Variants in CSGALNACT1 observed in about 807,000 individuals in gnomAD.
The protein encoded by CSGALNACT1 is chondroitin sulfate N-acetylgalactosaminyltransferase 1, also known as beta4GalNAcT-1.
CSGALNACT1 carries 52 observed loss-of-function variants against 51.0 expected under a neutral mutation model. The ratio of observed to expected loss-of-function variants is 1.02; its 90% confidence interval spans 0.82 to 1.29. CSGALNACT1 has a LOEUF of 1.29. Ranked by LOEUF, CSGALNACT1 falls within the 50% of genes most tolerant of loss-of-function variation. CSGALNACT1 has a pLI of 0.00. For missense variants in CSGALNACT1, 935 were observed against 679.2 expected (o/e 1.38, Z -4.19); for synonymous variants, 341 against 254.4 (o/e 1.34, Z -3.24).
intron 3 of CSGALNACT1, among the ~76,000 whole-genome samples, chr8:19,516,403 C>A (rs183512830): frequency 1.3e-5 from 2 of 152,208 alleles, no homozygotes; most frequent in Admixed American, 6.5e-5. Flanking sequence ...CTTGCTGAGA[C>A]CTGCTCCTCA....
chr8:19,614,965 C>G (rs2154155134), intron 1 of CSGALNACT1, among the ~76,000 whole-genome samples: 1 of 152,284 alleles, frequency 6.6e-6, no homozygotes, highest in Admixed American at 6.5e-5. Flanking sequence ...CAATTTTAAA[C>G]AAGTGTTGAA....
intron 1 of CSGALNACT1, among the ~76,000 whole-genome samples, chr8:19,714,494 T>C (rs55763426): frequency 0.015 from 2,288 of 152,276 alleles, 29 homozygotes; most frequent in South Asian, 0.047. Context: ...GGAATTCCAA[T>C]AAACTATATG....
intron 3 of CSGALNACT1, among the ~76,000 whole-genome samples, chr8:19,547,517 C>G (rs2086757897): frequency 6.6e-6 from 1 of 152,128 alleles, no homozygotes; most frequent in South Asian, 2.1e-4. Context: ...GGGGTTTCCC[C>G]CTTCGCTTGG....
chr8:19,422,840 C>G (rs938451189), intron 6 of CSGALNACT1, among the ~76,000 whole-genome samples: 1 of 152,156 alleles, frequency 6.6e-6, no homozygotes, highest in Non-Finnish European at 1.5e-5. Context: ...ATGGGAGATG[C>G]CTGGATTTTT....
intron 3 of CSGALNACT1, among the ~76,000 whole-genome samples, chr8:19,550,013 G>T (rs2087560527): frequency 6.6e-6 from 1 of 152,076 alleles, no homozygotes; most frequent in African/African-American, 2.4e-5. Flanking sequence ...CCTGGAGTTG[G>T]TCTTTTTTCT....
chr8:19,637,979 C>T (rs1056108352), intron 1 of CSGALNACT1, among the ~76,000 whole-genome samples: 19 of 152,128 alleles, frequency 1.2e-4, no homozygotes, highest in African/African-American at 4.6e-4. Flanking sequence ...GCTGGTTAAA[C>T]CGAAGGAAGC....
At chr8:19,624,142 G>C (rs1317828972) in intron 1 of CSGALNACT1, among the ~76,000 whole-genome samples, 3 of 152,098 alleles carry the variant, frequency 2.0e-5, no homozygotes, top group South Asian at 2.1e-4. Context: ...TAGACTATTT[G>C]GACCACCTCT....
At chr8:19,407,917 G>GGACA (rs1563251421) in intron 9 of CSGALNACT1, among the ~76,000 whole-genome samples, 12 of 79,126 alleles carry the variant, frequency 1.5e-4, no homozygotes, top group South Asian at 1.5e-3. Context: ...GTGTGTGTGT[G>GGACA]TGTGTGTGTG....
intron 1 of CSGALNACT1, among the ~76,000 whole-genome samples, chr8:19,610,072 G>C (rs2051995634): frequency 6.6e-6 from 1 of 151,432 alleles, no homozygotes; most frequent in South Asian, 2.1e-4. Context: ...AAATACAAAA[G>C]TTAGCCGGGC....
rs572337432 is a variant in CSGALNACT1 at position 19,474,725 on chromosome 8, A to G, written c.635-16083T>C. Among the ~76,000 whole-genome samples the G allele has an allele frequency of 2.2e-3, 335 of 152,092 alleles. 4 individuals are homozygous for G. Among genetic ancestry groups the G allele is most frequent in the African/African-American group, 7.8e-3 (322 of 41,482 alleles). On this transcript the variant is annotated intron_variant, in intron 4 of 9. Transcript: ENST00000454498. ...CTTTACTAAAAATACAAAATTAGCC[A>G]GGTGTGGTGGCACAGGCCTGTAATC...
chr8:19,492,434 T>C (rs1027867537), intron 4 of CSGALNACT1, among the ~76,000 whole-genome samples: 1 of 152,224 alleles, frequency 6.6e-6, no homozygotes, highest in Non-Finnish European at 1.5e-5. Context: ...CTACTCCTGA[T>C]CTCCTGATTC....
chr8:19,507,641 C>G (rs1483943073), intron 3 of CSGALNACT1, among the ~76,000 whole-genome samples: 1 of 149,286 alleles, frequency 6.7e-6, no homozygotes, highest in East Asian at 2.0e-4. Context: ...CTTTTTTTCT[C>G]TTTGTCGAGA....
chr8:19,547,810 G>C (rs556035030), intron 3 of CSGALNACT1, among the ~76,000 whole-genome samples: 1 of 152,240 alleles, frequency 6.6e-6, no homozygotes, highest in Non-Finnish European at 1.5e-5. Context: ...TTCCTTACTA[G>C]CAAGTAATAC....
intron 3 of CSGALNACT1, among the ~76,000 whole-genome samples, chr8:19,569,150 G>A (rs943144151): frequency 6.6e-6 from 1 of 152,210 alleles, no homozygotes; most frequent in African/African-American, 2.4e-5. Flanking sequence ...CCATTAGCCA[G>A]ATGGGCGTAG....
upstream of CSGALNACT1, among the ~76,000 whole-genome samples, chr8:19,604,745 T>TTA (rs781464392): frequency 9.2e-5 from 12 of 130,334 alleles, no homozygotes; most frequent in African/African-American, 3.5e-4. Flanking sequence ...GTCTCTACTT[T>TTA]AAAAAAAAAA....
intron 1 of CSGALNACT1, among the ~76,000 whole-genome samples, chr8:19,744,290 T>C (rs1005971209): frequency 8.5e-5 from 13 of 152,220 alleles, no homozygotes; most frequent in African/African-American, 3.1e-4. Flanking sequence ...ATGCATTATT[T>C]AGTCCTGTCC....
chr8:19,418,311 A>T (rs912588564), intron 8 of CSGALNACT1, among the ~76,000 whole-genome samples: 4 of 152,114 alleles, frequency 2.6e-5, no homozygotes, highest in Admixed American at 1.3e-4. Context: ...TGGGAACATA[A>T]ATCTCACCTT....
chr8:19,589,973 C>T (rs1463389097), intron 3 of CSGALNACT1, among the ~76,000 whole-genome samples: 3 of 152,204 alleles, frequency 2.0e-5, no homozygotes, highest in African/African-American at 7.2e-5. Context: ...GATGAGCAGA[C>T]ATGATGCAAT....
intron 3 of CSGALNACT1, among the ~76,000 whole-genome samples, chr8:19,584,202 T>G (rs986756333): frequency 6.6e-6 from 1 of 152,212 alleles, no homozygotes; most frequent in South Asian, 2.1e-4. Flanking sequence ...ATAGTCTAAC[T>G]AAACAATCAC....
Sources: allele counts gnomAD v4.1 joint callset (sites outside exome capture counted in the v4.1 genomes callset), GRCh38; gene constraint gnomAD v4.1.1; transcripts MANE v1.5; gene names NCBI Gene and HGNC (gene_info 2026-07-23, HGNC 2026-07-21).